The following SFSWAP variants were observed in gnomAD, a reference collection of about 807,000 sequenced individuals.
SFSWAP encodes splicing factor SWAP, also known as splicing factor, suppressor of white-apricot homolog.
In SFSWAP, 17 loss-of-function variants were observed where a neutral mutation model predicts 100.7. That is an observed-to-expected ratio of 0.17 (90% confidence interval 0.12 to 0.25). The LOEUF (loss-of-function observed/expected upper bound fraction) is 0.25, where lower values mean the gene tolerates loss of function less well. Among genes scored for constraint, SFSWAP ranks in the 10% least tolerant of loss-of-function variants. The pLI is 1.00. For missense variants in SFSWAP, 1,005 were observed against 1,262.6 expected (o/e 0.80, Z 3.09); for synonymous variants, 504 against 510.1 (o/e 0.99, Z 0.16).
Position 131,725,413 on chromosome 12 carries a change from C to T in SFSWAP, c.615C>T (p.Thr205=), listed in dbSNP as rs114853394. Residue 205 remains threonine, a synonymous_variant, in exon 5 of 18, where the codon ACC becomes ACT. Coordinates refer to ENST00000261674, the MANE Select transcript of SFSWAP (RefSeq NM_004592.4). This position sits in a 1 kb window ranked among gnomAD's most constrained non-coding sequence, Gnocchi z 4.3. The part of the protein sequence containing the change: ...SVPSDVELPP[T]AKMHAIIERT... ...TGTGTGTTTTCCCGTAGCCACCAAC[C>T]GCTAAAATGCACGCCATCATCGAGC... 2,035 of 1,614,056 alleles carry T rather than the reference C, an allele frequency of 1.3e-3. 31 individuals carry two copies. The African/African-American group carries it at 0.023, about 18-fold the overall frequency.
intron 15 of SFSWAP, among the ~76,000 whole-genome samples, chr12:131,790,783 C>T (rs903558358): frequency 1.3e-5 from 2 of 152,214 alleles, no homozygotes; most frequent in African/African-American, 4.8e-5. Context: ...TGGGAGTTCA[C>T]TGCTGCAGTA....
intron 7 of SFSWAP, among the ~76,000 whole-genome samples, chr12:131,744,194 T>C (rs746401621): frequency 1.3e-5 from 2 of 152,258 alleles, no homozygotes; most frequent in Non-Finnish European, 2.9e-5. Context: ...TGGTTACTTA[T>C]GCAAATTTCT....
rs527410239 is a variant in SFSWAP at position 131,725,678 on chromosome 12, G to C, written c.832+48G>C. ...CGTCCAGACTTTGGGCCTGTGTTGTGGGGGCGGCAGGCTGGGTGGTTCTGG... is the reference window on the plus strand; with the variant it reads ...CGTCCAGACTTTGGGCCTGTGTTGTCGGGGCGGCAGGCTGGGTGGTTCTGG... On this transcript the variant is annotated intron_variant, in intron 5 of 17. Transcript: ENST00000261674. This position sits in a 1 kb window ranked among gnomAD's most constrained non-coding sequence, Gnocchi z 4.3. The C allele has an allele frequency of 1.4e-6, 2 of 1,412,770 alleles. No individual in the cohort carries two copies. The highest frequency in any genetic ancestry group is 3.8e-5 in the Admixed American group (2 of 52,972). 87.5% of individuals were successfully genotyped at this position (1,412,770 alleles called of 1,614,324 possible).
At chr12:131,740,830 C>T (rs1296294644) in intron 7 of SFSWAP, among the ~76,000 whole-genome samples, 3 of 152,130 alleles carry the variant, frequency 2.0e-5, no homozygotes, top group Non-Finnish European at 4.4e-5. Context: ...GCTGCCCAGC[C>T]TCTATGCAGC....
intron 3 of SFSWAP, among the ~76,000 whole-genome samples, chr12:131,716,591 CTG>C (rs1347836747): frequency 1.3e-5 from 2 of 152,200 alleles, no homozygotes; most frequent in African/African-American, 4.8e-5. Context: ...GGGTCCACAT[CTG>C]TGGATTCAAC....
At chr12:131,719,643 A>C (rs181740366) in intron 4 of SFSWAP, 104 bp downstream of exon 4, 1 of 875,356 alleles carries the variant, frequency 1.1e-6, no homozygotes, top group Admixed American at 2.2e-5. Context: ...TTTTAGGCAT[A>C]TAATGCTTTA....
chr12:131,715,492 G>A (rs919981503), intron 3 of SFSWAP, among the ~76,000 whole-genome samples: 1 of 152,198 alleles, frequency 6.6e-6, no homozygotes, highest in Non-Finnish European at 1.5e-5. Flanking sequence ...TGGAATTTAT[G>A]CTTTTCTGGA....
chr12:131,794,067 A>G lies in SFSWAP; in HGVS notation c.2535-3111A>G, dbSNP rs1449092571. On this transcript the variant is annotated intron_variant, in intron 15 of 17. Coordinates refer to ENST00000261674, the MANE Select transcript of SFSWAP (RefSeq NM_004592.4). This position sits in a 1 kb window ranked among gnomAD's most constrained non-coding sequence, Gnocchi z 4.8. ...ATAAAGTCAACATTTAACCAAAAAC[A>G]CTTTGATTCATAATTACCGAAAACT... Among the ~76,000 whole-genome samples the G allele has an allele frequency of 2.6e-5, 4 of 152,322 alleles. No homozygotes were observed. The highest frequency in any genetic ancestry group is 3.9e-4 in the East Asian group (2 of 5,190).
chr12:131,741,742 TG>T (rs1880662441), intron 7 of SFSWAP, among the ~76,000 whole-genome samples: 1 of 152,124 alleles, frequency 6.6e-6, no homozygotes, highest in Admixed American at 6.5e-5. Flanking sequence ...CCCCCTCTGT[TG>T]CATTTGGTTA....
chr12:131,714,136 G>A lies in SFSWAP; in HGVS notation c.284G>A (p.Arg95Lys), dbSNP rs376296194. The change falls in exon 2 of 18, where the codon AGA becomes AAA. Residue 95 changes from arginine (R) to lysine (K), a missense_variant. Arg to Lys is a conservative substitution (Grantham distance 26, BLOSUM62 2). Around this residue, in one of 7 missense-constraint regions of SFSWAP, gnomAD observed 237 missense variants for 337.0 expected, o/e 0.70. Coordinates refer to ENST00000261674, the MANE Select transcript of SFSWAP (RefSeq NM_004592.4). This position sits in a 1 kb window ranked among gnomAD's most constrained non-coding sequence, Gnocchi z 6.0. ...EYDAEYSTWN[R>K]DYQLSEEEAR... ...GATGCTGAGTATTCCACGTGGAACA[G>A]AGATTATCAGCTGTCTGAAGAGGAG... is the stretch of plus-strand genomic sequence containing the variant. The A allele has an allele frequency of 3.7e-5, 60 of 1,613,992 alleles. No individual in the cohort carries two copies. Among genetic ancestry groups the A allele is most frequent in the Non-Finnish European group, 5.1e-5 (60 of 1,180,000 alleles).
chr12:131,783,301 A>G (rs1884634436), intron 14 of SFSWAP, among the ~76,000 whole-genome samples: 1 of 152,148 alleles, frequency 6.6e-6, no homozygotes, highest in Admixed American at 6.5e-5. Flanking sequence ...TAGTTCATTT[A>G]CAACCTGAAA....
chr12:131,793,745 G>C (rs892899404), intron 15 of SFSWAP, among the ~76,000 whole-genome samples: 1 of 152,132 alleles, frequency 6.6e-6, no homozygotes, highest in Non-Finnish European at 1.5e-5. Flanking sequence ...CCAATTAGAA[G>C]GGGGCAGATG....
intron 1 of SFSWAP, chr12:131,713,356 G>T (rs1191613003): frequency 2.0e-5 from 3 of 152,228 alleles, no homozygotes; most frequent in African/African-American, 7.2e-5. Flanking sequence ...CTTCATGTAT[G>T]TTATTTCCTT....
rs1877346314 is a variant in SFSWAP, at chr12:131,711,560, T to C, written c.218+113T>C. The C allele has an allele frequency of 1.1e-6, 1 of 875,370 alleles. No homozygotes were observed. Among genetic ancestry groups the C allele is most frequent in the East Asian group, 2.6e-5 (1 of 38,072 alleles). The allele number at this position is 875,370 out of a possible 1,614,324, so 54.2% of individuals were successfully genotyped here. A position where few individuals can be genotyped will look rare whatever the true frequency, so the allele number is the denominator to read the frequency against. ...GAGTTTTCTGGAGCCAGCGGGGATC[T>C]GGGGGACACCCCCTCCCCTGTCCCC... On this transcript the variant is annotated intron_variant, in intron 1 of 17. Transcript: ENST00000261674. The surrounding 1 kb of genome is among the most constrained non-coding windows in gnomAD (Gnocchi z 4.9).
rs752223676 is a variant in SFSWAP, at chr12:131,711,489, C to T, written c.218+42C>T. The T allele has an allele frequency of 1.7e-5, 25 of 1,494,402 alleles. No individual in the cohort carries two copies. The Admixed American group carries it at 4.0e-4, about 24-fold the overall frequency. The allele number at this position is 1,494,402 out of a possible 1,614,324, so 92.6% of individuals were successfully genotyped here. On this transcript the variant is annotated intron_variant, in intron 1 of 17. Coordinates refer to ENST00000261674, the MANE Select transcript of SFSWAP (RefSeq NM_004592.4). The surrounding 1 kb of genome is among the most constrained non-coding windows in gnomAD (Gnocchi z 4.9). ...ACCCGTCGATCCTTCCCTTCCCTCA[C>T]CCGCTTGATCTCGTCTGATGTTGAC...
chr12:131,735,671 G>C (rs1388387163), intron 7 of SFSWAP, among the ~76,000 whole-genome samples: 1 of 152,224 alleles, frequency 6.6e-6, no homozygotes, highest in Non-Finnish European at 1.5e-5. Flanking sequence ...CTTGGTCTTG[G>C]CGTCCTGTGG....
At chr12:131,715,597 C>A (rs116298781) in intron 3 of SFSWAP, among the ~76,000 whole-genome samples, 44 of 152,350 alleles carry the variant, frequency 2.9e-4, no homozygotes, top group African/African-American at 1.0e-3. Context: ...CTTCACTAAG[C>A]GTCGAGAGCT....
intron 7 of SFSWAP, among the ~76,000 whole-genome samples, chr12:131,749,735 C>G (rs1027251723): frequency 1.3e-5 from 2 of 152,240 alleles, no homozygotes; most frequent in Non-Finnish European, 2.9e-5. Flanking sequence ...TAAACACTTA[C>G]TGAGGGCCTG....
chr12:131,719,934 G>A (rs1878312072), intron 4 of SFSWAP, among the ~76,000 whole-genome samples: 1 of 152,188 alleles, frequency 6.6e-6, no homozygotes, highest in African/African-American at 2.4e-5. Context: ...GCTTTTTAAA[G>A]TGTGATTTTT....
Sources: gnomAD v4.1 joint callset for allele counts (sites outside exome capture counted in the v4.1 genomes callset) on GRCh38, gnomAD v4.1.1 for gene constraint, gnomAD v4.1.1 regional missense constraint, Gnocchi (gnomAD v3.1) non-coding constraint, MANE v1.5 for transcripts, NCBI Gene and HGNC (gene_info 2026-07-23, HGNC 2026-07-21) for gene names.